The following MTCL2 variants were observed in gnomAD, a reference collection of about 807,000 sequenced individuals.
MTCL2 encodes the protein microtubule crosslinking factor 2, also known as microtubule cross-linking factor 2.
chr20:36,805,941 T>C, the MTCL2 span: 2 of 1,609,550 alleles, frequency 1.2e-6, no homozygotes, highest in Non-Finnish European at 1.7e-6. Flanking sequence ...CAAGTACAGC[T>C]CCTTCATGCT....
At chr20:36,854,276 C>T in the MTCL2 span, among the ~76,000 whole-genome samples, 2 of 152,196 alleles carry the variant, frequency 1.3e-5, no homozygotes, top group African/African-American at 4.8e-5. Context: ...GGTCCCTGCC[C>T]TCATGCAGGG....
chr20:36,835,427 G>A, the MTCL2 span, among the ~76,000 whole-genome samples: 1 of 151,938 alleles, frequency 6.6e-6, no homozygotes, highest in South Asian at 2.1e-4. Context: ...CTGGTCAAAA[G>A]CCACATTTAA....
the MTCL2 span, among the ~76,000 whole-genome samples, chr20:36,814,759 C>T: frequency 3.9e-5 from 6 of 152,188 alleles, no homozygotes; most frequent in South Asian, 2.1e-4. Context: ...TGATGGAGGG[C>T]GCCTGTAATC....
At chr20:36,816,796 G>A in the MTCL2 span, among the ~76,000 whole-genome samples, 2 of 152,158 alleles carry the variant, frequency 1.3e-5, no homozygotes, top group Non-Finnish European at 2.9e-5. Context: ...CAATCACATG[G>A]CAGTCAAGTG....
At chr20:36,792,492 C>T in the MTCL2 span, among the ~76,000 whole-genome samples, 22 of 151,004 alleles carry the variant, frequency 1.5e-4, no homozygotes, top group African/African-American at 4.4e-4. Context: ...GGGACAAGAA[C>T]GAGACTTCTC....
chr20:36,840,577 C>G, the MTCL2 span, among the ~76,000 whole-genome samples: 1 of 151,284 alleles, frequency 6.6e-6, no homozygotes, highest in Admixed American at 6.6e-5. Flanking sequence ...AGGTTGGGCA[C>G]GGTGGCTCAT....
the MTCL2 span, chr20:36,815,842 C>T: frequency 3.1e-6 from 5 of 1,599,010 alleles, no homozygotes; most frequent in Middle Eastern, 1.7e-4. The surrounding 1 kb of genome is among the most constrained non-coding windows in gnomAD (Gnocchi z 5.3). Context: ...TTCTGGTCCT[C>T]GAGCTCGGCA....
the MTCL2 span, among the ~76,000 whole-genome samples, chr20:36,797,217 C>T: frequency 6.6e-6 from 1 of 152,178 alleles, no homozygotes; most frequent in Non-Finnish European, 1.5e-5. Context: ...AATGTGGTGA[C>T]TGCAACAAAG....
chr20:36,826,749 T>C, the MTCL2 span, among the ~76,000 whole-genome samples: 1 of 152,066 alleles, frequency 6.6e-6, no homozygotes, highest in South Asian at 2.1e-4. Context: ...ATTCCTCTGT[T>C]GATGAACATT....
At chr20:36,822,323 G>C in the MTCL2 span, among the ~76,000 whole-genome samples, 3 of 152,260 alleles carry the variant, frequency 2.0e-5, no homozygotes, top group Non-Finnish European at 4.4e-5. Flanking sequence ...AAGGCAGGGC[G>C]GTGCCTAGGC....
chr20:36,829,107 C>G, the MTCL2 span: 1 of 1,567,590 alleles, frequency 6.4e-7, no homozygotes, highest in South Asian at 1.2e-5. Flanking sequence ...AGCTCAGTCT[C>G]GATGAGCCGC....
the MTCL2 span, among the ~76,000 whole-genome samples, chr20:36,834,162 C>CAAAAAAAAA: frequency 9.9e-6 from 1 of 100,684 alleles, no homozygotes; most frequent in Non-Finnish European, 1.9e-5. Flanking sequence ...GACTTCATCT[C>CAAAAAAAAA]AAAAAAAAAA....
At chr20:36,863,432 C>T in the MTCL2 span, 12 of 1,014,630 alleles carry the variant, frequency 1.2e-5, no homozygotes, top group African/African-American at 2.1e-4. The surrounding 1 kb of genome is among the most constrained non-coding windows in gnomAD (Gnocchi z 6.2). Context: ...GGCGCGGCTC[C>T]GGCCGCTGGG....
the MTCL2 span, chr20:36,785,208 C>G: frequency 8.1e-6 from 8 of 985,270 alleles, no homozygotes; most frequent in South Asian, 2.8e-4. Flanking sequence ...CCCTCCAAAG[C>G]TGACCAGGAG....
the MTCL2 span, chr20:36,796,806 G>A: frequency 2.8e-6 from 4 of 1,434,384 alleles, no homozygotes; most frequent in Non-Finnish European, 3.9e-6. Flanking sequence ...TGGGTGCAGG[G>A]CGCAGCAGGA....
At chr20:36,815,558 A>G in the MTCL2 span, 1 of 1,572,124 alleles carries the variant, frequency 6.4e-7, no homozygotes, top group South Asian at 1.2e-5. This position sits in a 1 kb window ranked among gnomAD's most constrained non-coding sequence, Gnocchi z 5.3. Context: ...GAGCAGGCAC[A>G]CACTGGGCAG....
chr20:36,861,649 A>C, the MTCL2 span, among the ~76,000 whole-genome samples: 1 of 152,184 alleles, frequency 6.6e-6, no homozygotes, highest in South Asian at 2.1e-4. Flanking sequence ...ATCCACTGAC[A>C]AGAGTCGGCA....
the MTCL2 span, among the ~76,000 whole-genome samples, chr20:36,787,654 G>C: frequency 6.6e-6 from 1 of 151,252 alleles, no homozygotes; most frequent in Non-Finnish European, 1.5e-5. Flanking sequence ...TTGGGAGGCT[G>C]AGGCAGGTGG....
At chr20:36,784,933 T>TG in the MTCL2 span, 1 of 985,484 alleles carries the variant, frequency 1.0e-6, no homozygotes, top group Non-Finnish European at 1.2e-6. Flanking sequence ...TTGGGAAACT[T>TG]GGAGGGATCT....
Sources: allele counts gnomAD v4.1 joint callset (sites outside exome capture counted in the v4.1 genomes callset), GRCh38; gene constraint gnomAD v4.1.1; non-coding constraint Gnocchi (gnomAD v3.1); transcripts MANE v1.5; gene names NCBI Gene and HGNC (gene_info 2026-07-23, HGNC 2026-07-21).